The following SASH1 variants were observed in gnomAD, a reference collection of about 807,000 sequenced individuals.
SASH1 encodes SAM and SH3 domain-containing protein 1.
In SASH1, 44 loss-of-function variants were observed where a neutral mutation model predicts 125.2. That is an observed-to-expected ratio of 0.35 (90% confidence interval 0.28 to 0.45). The LOEUF (loss-of-function observed/expected upper bound fraction) is 0.45. Among genes scored for constraint, SASH1 ranks in the 20% least tolerant of loss-of-function variants. The probability of loss-of-function intolerance (pLI) is 1.00; values close to 1 mark genes in which losing one functional copy is unlikely to be tolerated. For missense variants in SASH1, 1,426 were observed against 1,614.5 expected (o/e 0.88, Z 2.00); for synonymous variants, 639 against 649.1 (o/e 0.98, Z 0.24).
At chr6:148,302,559 A>G (rs1779993808) in intron 1 of SASH1, among the ~76,000 whole-genome samples, 1 of 150,028 alleles carries the variant, frequency 6.7e-6, no homozygotes, top group African/African-American at 2.4e-5. Flanking sequence ...TCAAACGTAT[A>G]TAAAATATCT....
At chr6:148,386,581 G>T (rs1263436986) in intron 1 of SASH1, among the ~76,000 whole-genome samples, 25 of 152,228 alleles carry the variant, frequency 1.6e-4, no homozygotes. Context: ...ACACTTGGCT[G>T]TTGGGAGACA....
intron 1 of SASH1, among the ~76,000 whole-genome samples, chr6:148,351,649 G>A (rs946938805): frequency 7.4e-5 from 6 of 81,484 alleles, no homozygotes; most frequent in Admixed American, 6.0e-4. Flanking sequence ...GTTACTCACC[G>A]CTTTTTTTTT....
At chr6:148,280,926 GTTGTT>G (rs367756033) in intron 1 of SASH1, among the ~76,000 whole-genome samples, 3 of 151,704 alleles carry the variant, frequency 2.0e-5, no homozygotes, top group East Asian at 1.9e-4. Flanking sequence ...ATGGAAGAGT[GTTGTT>G]TTGTTTTGTT....
In SASH1 at chr6:148,544,486, G is replaced by A. The variant is rs776810063; in HGVS notation, c.3016G>A (p.Gly1006Ser). Residue 1006 changes from glycine (G) to serine (S), a missense_variant, in exon 18 of 20, where the codon GGC becomes AGC. Coordinates refer to ENST00000367467, the MANE Select transcript of SASH1 (RefSeq NM_015278.5). This position sits in a 1 kb window ranked among gnomAD's most constrained non-coding sequence, Gnocchi z 6.4. ...LANGLHPVPMGPSGALPSPDA... is the reference protein window; with the variant it reads ...LANGLHPVPMSPSGALPSPDA... ...TAACGGACTCCACCCTGTTCCCATG[G>A]GCCCCAGTGGGGCCCTCCCCAGTCC... 8 of 1,613,910 alleles carry A rather than the reference G, an allele frequency of 5.0e-6. No individual in the cohort carries two copies. In the South Asian group the frequency reaches 8.8e-5, roughly 18 times the overall value.
In SASH1 at chr6:148,549,033, T is replaced by G. The variant is rs1269545362; in HGVS notation, c.*475T>G. The G allele has an allele frequency of 6.4e-6, 1 of 155,994 alleles. No individual in the cohort carries two copies. The highest frequency in any genetic ancestry group is 2.4e-5 in the African/African-American group (1 of 41,350). 9.7% of individuals were successfully genotyped at this position (155,994 alleles called of 1,614,324 possible). A position where few individuals can be genotyped will look rare whatever the true frequency, so the allele number is the denominator to read the frequency against. The stretch of plus-strand genomic sequence containing the variant: ...TTGTACATTACTGACCACGCTCATT[T>G]GTTCAAAAGTTAGAACATCTGGCTG... On this transcript the variant is annotated 3_prime_UTR_variant, in exon 20 of 20. Coordinates refer to ENST00000367467, the MANE Select transcript of SASH1 (RefSeq NM_015278.5).
At chr6:148,266,363 G>T in the SASH1 span, among the ~76,000 whole-genome samples, 1 of 152,156 alleles carries the variant, frequency 6.6e-6, no homozygotes, top group Non-Finnish European at 1.5e-5. Flanking sequence ...AAAATAAGAA[G>T]AATGTTTGCA....
At chr6:148,387,738 TTTTC>T (rs1238336457) in intron 1 of SASH1, among the ~76,000 whole-genome samples, 1 of 148,632 alleles carries the variant, frequency 6.7e-6, no homozygotes, top group Non-Finnish European at 1.5e-5. Context: ...CTTTCTTTTC[TTTTC>T]TTTCTTTCTT....
chr6:148,264,511 T>G, the SASH1 span, among the ~76,000 whole-genome samples: 1 of 152,200 alleles, frequency 6.6e-6, no homozygotes, highest in Non-Finnish European at 1.5e-5. Context: ...CTTCAATGGT[T>G]TCTTATTGGG....
rs975674380 is a variant in SASH1, at chr6:148,549,213, A to G, written c.*655A>G. 1.1e-4 allele frequency: 19 copies of G among 176,862 alleles called. No individual in the cohort carries two copies. The highest frequency in any genetic ancestry group is 2.4e-5 in the Non-Finnish European group (2 of 84,850). 11.0% of individuals were successfully genotyped at this position (176,862 alleles called of 1,614,324 possible). A position where few individuals can be genotyped will look rare whatever the true frequency, so the allele number is the denominator to read the frequency against. The stretch of plus-strand genomic sequence containing the variant: ...TCCACAACCCTGTAACCATACTTCC[A>G]CATCTTCAGCTTAGGCAGACATCGA... On this transcript the variant is annotated 3_prime_UTR_variant, in exon 20 of 20. Coordinates refer to ENST00000367467, the MANE Select transcript of SASH1 (RefSeq NM_015278.5).
chr6:148,400,486 A>G (rs1033226390), intron 2 of SASH1, among the ~76,000 whole-genome samples: 3 of 152,264 alleles, frequency 2.0e-5, no homozygotes, highest in Admixed American at 1.3e-4. Flanking sequence ...CTGGTGGCTC[A>G]TGCCTGTAAT....
intron 7 of SASH1, among the ~76,000 whole-genome samples, chr6:148,481,337 G>A (rs1398562200): frequency 6.6e-6 from 1 of 152,116 alleles, no homozygotes; most frequent in African/African-American, 2.4e-5. Flanking sequence ...TCAGCAATAA[G>A]GCTGTTCCAT....
At chr6:148,530,395 AT>A (rs200244329) in intron 12 of SASH1, among the ~76,000 whole-genome samples, 363 of 148,148 alleles carry the variant, frequency 2.5e-3, no homozygotes, top group Non-Finnish European at 3.8e-3. Flanking sequence ...GGAGGAATGA[AT>A]TTTTTTTTTT....
rs1228151617 is a variant in SASH1 at position 148,504,087 on chromosome 6, GA to G, written c.730-10236del. On this transcript the variant is annotated intron_variant, in intron 8 of 19. Coordinates refer to ENST00000367467, the MANE Select transcript of SASH1 (RefSeq NM_015278.5). ...TGCCAATATATGTGTGAAGTCCTTG[GA>G]TAAAGTATCTTTAGTCTAAGGTAGA... Among the ~76,000 whole-genome samples the G allele has an allele frequency of 1.6e-4, 24 of 152,298 alleles. 1 individual carries two copies. The East Asian group carries it at 4.4e-3, about 28-fold the overall frequency.
intron 1 of SASH1, among the ~76,000 whole-genome samples, chr6:148,305,618 T>C (rs1172987837): frequency 1.4e-4 from 14 of 101,544 alleles, no homozygotes; most frequent in Admixed American, 4.2e-4. Context: ...AGCGAGACTC[T>C]GACTCAAAAA....
chr6:148,238,576 A>G, the SASH1 span, among the ~76,000 whole-genome samples: 1 of 151,688 alleles, frequency 6.6e-6, no homozygotes, highest in Non-Finnish European at 1.5e-5. Flanking sequence ...TTTAGTCATT[A>G]TATCTTACCC....
At chr6:148,299,970 G>A (rs9485272) in intron 1 of SASH1, among the ~76,000 whole-genome samples, 5,713 of 152,200 alleles carry the variant, frequency 0.038, 337 homozygotes, top group African/African-American at 0.13. Flanking sequence ...TTCAATGCCT[G>A]GGGCCTGTTT....
the SASH1 span, among the ~76,000 whole-genome samples, chr6:148,218,895 T>C: frequency 6.6e-6 from 1 of 152,218 alleles, no homozygotes; most frequent in East Asian, 1.9e-4. Flanking sequence ...TGCATTTTTA[T>C]AAACTCTGAA....
At chr6:148,419,515 A>G (rs1302442714) in intron 2 of SASH1, among the ~76,000 whole-genome samples, 1 of 152,138 alleles carries the variant, frequency 6.6e-6, no homozygotes, top group East Asian at 1.9e-4. Context: ...TTAAATAACA[A>G]TCATATCTCT....
chr6:148,240,863 C>T, the SASH1 span, among the ~76,000 whole-genome samples: 1 of 152,092 alleles, frequency 6.6e-6, no homozygotes, highest in Non-Finnish European at 1.5e-5. Context: ...TTTTGTGCTC[C>T]CCATGAAAGA....
Sources: allele counts gnomAD v4.1 joint callset (sites outside exome capture counted in the v4.1 genomes callset), GRCh38; gene constraint gnomAD v4.1.1; non-coding constraint Gnocchi (gnomAD v3.1); transcripts MANE v1.5; gene names NCBI Gene and HGNC (gene_info 2026-07-23, HGNC 2026-07-21).